LPIN3: variants seen among roughly 807,000 people sequenced by gnomAD.
LPIN3 encodes the protein lipin 3, also known as phosphatidate phosphatase LPIN3.
Under a neutral mutation model 94.7 loss-of-function variants are expected in LPIN3, and 82 were observed. That is an observed-to-expected ratio of 0.87 (90% CI 0.72 to 1.04). The LOEUF (loss-of-function observed/expected upper bound fraction) is 1.04. Among genes scored for constraint, LPIN3 ranks in the 50% least tolerant of loss-of-function variants. The pLI is 0.00. For synonymous variants in LPIN3, 418 were observed against 443.3 expected (o/e 0.94, Z 0.72); for missense variants, 996 against 1,090.5 (o/e 0.91, Z 1.22).
At chr20:41,341,752 C>T (rs938767991) in intron 1 of LPIN3, among the ~76,000 whole-genome samples, 5 of 152,306 alleles carry the variant, frequency 3.3e-5, no homozygotes, top group South Asian at 4.1e-4. Context: ...GAGACTGAGG[C>T]GGGTGGATCA....
chr20:41,357,418 C>T lies in LPIN3; in HGVS notation c.2010C>T (p.Gly670=), dbSNP rs763694934. The T allele has an allele frequency of 6.4e-5, 103 of 1,613,780 alleles. No homozygotes were observed. The highest frequency in any genetic ancestry group is 8.1e-5 in the Non-Finnish European group (95 of 1,179,964). The change falls in exon 16 of 20, where the codon GGC becomes GGT. Residue 670 remains glycine (G), a synonymous_variant. Coordinates refer to ENST00000373257, the MANE Select transcript of LPIN3 (RefSeq NM_022896.3). ...PQLGKDWTHQ[G]ITSLYHKIQL... is the part of the protein sequence containing the mutation. ...TGGGGAAAGACTGGACACACCAGGG[C>T]ATCACCAGTCTCTATCACAAAATCC...
rs759094992 is a variant in LPIN3, at chr20:41,350,411, G to A, written c.1102+14G>A. ...CCAGGGGGAAAGGTGAGTGACGCTGGGTCTCTCCCACTGCCTCCCTGGCCT... is the reference window on the plus strand; with the variant it reads ...CCAGGGGGAAAGGTGAGTGACGCTGAGTCTCTCCCACTGCCTCCCTGGCCT... On this transcript the variant is annotated intron_variant, in intron 7 of 19. Coordinates refer to ENST00000373257, the MANE Select transcript of LPIN3 (RefSeq NM_022896.3). 4.6e-6 allele frequency: 7 copies of A among 1,537,520 alleles called. No homozygotes were observed. Among genetic ancestry groups the A allele is most frequent in the Non-Finnish European group, 5.3e-6 (6 of 1,138,286 alleles).
chr20:41,345,764 C>G, intron 1 of LPIN3, 32 bp from the exon 2 acceptor site: 1 of 1,584,056 alleles, frequency 6.3e-7, no homozygotes, highest in Non-Finnish European at 8.6e-7. Context: ...CTGGAGCAGA[C>G]CTTTGTGCAA....
At chr20:41,354,533 C>T in intron 11 of LPIN3, 112 bp from the exon 12 acceptor site, 3 of 1,010,120 alleles carry the variant, frequency 3.0e-6, no homozygotes, top group Admixed American at 2.6e-5. Context: ...CAGCACCTTA[C>T]CCTAGGGTTG....
intron 2 of LPIN3, 149 bp from the exon 3 acceptor site, chr20:41,347,403 C>A (rs2045820702): frequency 1.5e-6 from 1 of 673,008 alleles, no homozygotes; most frequent in African/African-American, 1.8e-5. Context: ...TCGTGGGGAG[C>A]AGCCAGGCAC....
At chr20:41,356,925 G>T in intron 14 of LPIN3, 115 bp from the exon 15 acceptor site, 1 of 1,221,390 alleles carries the variant, frequency 8.2e-7, no homozygotes, top group East Asian at 2.4e-5. Flanking sequence ...TCTCTGAGCT[G>T]GGAGGAAGAG....
intron 6 of LPIN3, 31 bp downstream of exon 6, chr20:41,349,925 G>A: frequency 6.3e-7 from 1 of 1,590,562 alleles, no homozygotes. Flanking sequence ...CCCAGGCCCG[G>A]CCTTTCAGGG....
Position 41,355,795 on chromosome 20 carries a change from C to A in LPIN3, c.1665-101C>A, listed in dbSNP as rs924817691. On this transcript the variant is annotated intron_variant, in intron 13 of 19. Transcript: ENST00000373257. ...AGGGATCACTGATACCCTGGGTAGG[C>A]CCTGGCATGGCGGGGACAGGTCCAG... The A allele has an allele frequency of 2.0e-5, 30 of 1,478,932 alleles. No homozygotes were observed. In the Admixed American group the frequency reaches 3.5e-4, roughly 17 times the overall value. The allele number at this position is 1,478,932 out of a possible 1,614,324, so 91.6% of individuals were successfully genotyped here. A position where few individuals can be genotyped will look rare whatever the true frequency, so the allele number is the denominator to read the frequency against.
chr20:41,349,038 C>G (rs929632155), intron 4 of LPIN3, 54 bp from the exon 5 acceptor site: 2 of 1,602,522 alleles, frequency 1.2e-6, no homozygotes, highest in Non-Finnish European at 1.7e-6. Context: ...GCTCTCATGC[C>G]TGCCTGGGGC....
Position 41,357,197 on chromosome 20 carries a change from C to A in LPIN3, c.1952+9C>A. On this transcript the variant is annotated intron_variant, in intron 15 of 19. Transcript: ENST00000373257. Reference sequence around the variant, plus strand: ...GACGGCACCATCACCAAGTGAGGCCCACCCAGCTGTGGGAAGGGGAGGGAG... The same window carrying A: ...GACGGCACCATCACCAAGTGAGGCCAACCCAGCTGTGGGAAGGGGAGGGAG... 6.2e-7 allele frequency: 1 copy of A among 1,613,778 alleles called. No individual in the cohort carries two copies. Among genetic ancestry groups the A allele is most frequent in the Non-Finnish European group, 8.5e-7 (1 of 1,179,950 alleles).
chr20:41,358,784 C>G lies in LPIN3; in HGVS notation c.2474C>G (p.Thr825Arg), dbSNP rs780454973. 3.7e-6 allele frequency: 6 copies of G among 1,614,182 alleles called. No homozygotes were observed. Among genetic ancestry groups the G allele is most frequent in the Non-Finnish European group, 5.1e-6 (6 of 1,180,030 alleles). ...CCACCTGTGGCCCGTGGCCCCAGCA[C>G]AGACCTGGCCAACCCTGAATACAGT... ...LFPPVARGPS[T>R]DLANPEYSNF... Residue 825 changes from threonine to arginine, a missense_variant, in exon 20 of 20, where the codon ACA (threonine) becomes AGA (arginine). Coordinates refer to ENST00000373257, the MANE Select transcript of LPIN3 (RefSeq NM_022896.3).
chr20:41,358,733 T>C lies in LPIN3; in HGVS notation c.2423T>C (p.Leu808Pro), dbSNP rs2046305509. The C allele has an allele frequency of 6.2e-7, 1 of 1,613,888 alleles. No individual in the cohort carries two copies. Among genetic ancestry groups the C allele is most frequent in the Admixed American group, 1.7e-5 (1 of 59,992 alleles). ...IKNHKSTYERLGEVVELLFPP... is the reference protein window; with the variant it reads ...IKNHKSTYERPGEVVELLFPP... The stretch of plus-strand genomic sequence containing the variant: ...CCTTCTGCCTGTAGGTATGAGCGGC[T>C]TGGTGAAGTGGTCGAGCTCCTCTTC... Residue 808 changes from leucine (L) to proline (P), a missense_variant, in exon 20 of 20, where the codon CTT becomes CCT. Leu to Pro is a moderately conservative substitution (Grantham distance 98). Transcript: ENST00000373257.
chr20:41,358,186 G>A, intron 17 of LPIN3, 51 bp from the exon 18 acceptor site: 1 of 1,598,980 alleles, frequency 6.3e-7, no homozygotes. Context: ...ATCCCCTCTG[G>A]CTTCTTCCCT....
chr20:41,356,992 T>A (rs2046229609), intron 14 of LPIN3, 48 bp from the exon 15 acceptor site: 1 of 1,592,616 alleles, frequency 6.3e-7, no homozygotes, highest in Admixed American at 1.7e-5. Context: ...AGGTAGGCAG[T>A]GCCTGGCTGT....
In LPIN3 at chr20:41,357,393, T is replaced by A; in HGVS notation, c.1985T>A (p.Leu662Gln). Reference protein sequence around the residue: ...SDALGHILPQLGKDWTHQGIT... With the variant: ...SDALGHILPQQGKDWTHQGIT... ...GCTCTGGGCCATATCCTGCCCCAGC[T>A]GGGGAAAGACTGGACACACCAGGGC... is the stretch of plus-strand genomic sequence containing the variant. The change falls in exon 16 of 20, where the codon CTG (leucine) becomes CAG (glutamine). Residue 662 changes from leucine (L) to glutamine (Q), a missense_variant. Physicochemically the swap from Leu to Gln is moderately radical, Grantham distance 113. Transcript: ENST00000373257. The A allele has an allele frequency of 1.2e-6, 2 of 1,614,026 alleles. No homozygotes were observed. Among genetic ancestry groups the A allele is most frequent in the East Asian group, 2.2e-5 (1 of 44,882 alleles).
At chr20:41,351,979 A>G in intron 8 of LPIN3, 59 bp downstream of exon 8, 2 of 1,613,214 alleles carry the variant, frequency 1.2e-6, no homozygotes, top group South Asian at 2.2e-5. Flanking sequence ...CCAAGGGTCC[A>G]CTATCAAGGG....
chr20:41,349,002 C>T, intron 4 of LPIN3, 90 bp from the exon 5 acceptor site: 1 of 1,582,276 alleles, frequency 6.3e-7, no homozygotes, highest in Non-Finnish European at 8.6e-7. Context: ...GTAGTTGCTT[C>T]ACCTTACCAA....
At chr20:41,347,784 C>A in intron 3 of LPIN3, 137 bp downstream of exon 3, 1 of 720,876 alleles carries the variant, frequency 1.4e-6, no homozygotes, top group Non-Finnish European at 2.3e-6. Context: ...GCAGGGGTAT[C>A]AGTTGGGGCT....
intron 3 of LPIN3, among the ~76,000 whole-genome samples, chr20:41,348,056 G>A (rs1028033347): frequency 6.6e-6 from 1 of 152,170 alleles, no homozygotes; most frequent in African/African-American, 2.4e-5. Flanking sequence ...GTGTGTAAGT[G>A]GTGGGTGTTC....
Sources: gnomAD v4.1 joint callset for allele counts (sites outside exome capture counted in the v4.1 genomes callset) on GRCh38, gnomAD v4.1.1 for gene constraint, MANE v1.5 for transcripts, NCBI Gene and HGNC (gene_info 2026-07-23, HGNC 2026-07-21) for gene names.